Variants in TMX3 observed in about 807,000 individuals in gnomAD.
The protein encoded by TMX3 is protein disulfide-isomerase TMX3.
A neutral mutation model predicts 64.4 loss-of-function variants in TMX3; 40 were observed. The ratio of observed to expected loss-of-function variants is 0.62; its 90% CI spans 0.48 to 0.81. The LOEUF (loss-of-function observed/expected upper bound fraction) is 0.81, where lower values mean the gene tolerates loss of function less well. Among genes scored for constraint, TMX3 ranks in the 30% least tolerant of loss-of-function variants. TMX3 has a pLI of 0.00. For missense variants in TMX3, 497 were observed against 534.5 expected, an observed-to-expected ratio of 0.93 and a Z score of 0.69; for synonymous variants, 189 against 175.7, an observed-to-expected ratio of 1.08 and a Z score of -0.60.
At chr18:68,698,844 G>A (rs1353416094) in intron 6 of TMX3, among the ~76,000 whole-genome samples, 25 of 151,178 alleles carry the variant, frequency 1.7e-4, no homozygotes, top group African/African-American at 5.1e-4. Flanking sequence ...GTGAAATCCC[G>A]TCTCTACTAA....
At chr18:68,708,209 CCTCT>C (rs2030922922) in intron 4 of TMX3, among the ~76,000 whole-genome samples, 1 of 151,772 alleles carries the variant, frequency 6.6e-6, no homozygotes, top group African/African-American at 2.4e-5. Flanking sequence ...TATTATTCTC[CCTCT>C]CTAACAATTT....
At chr18:68,714,876 C>G in intron 1 of TMX3, 60 bp downstream of exon 1, 1 of 1,546,464 alleles carries the variant, frequency 6.5e-7, no homozygotes, top group Non-Finnish European at 8.7e-7. Flanking sequence ...CAATCCCGGC[C>G]CCACGGCGGG....
intron 13 of TMX3, among the ~76,000 whole-genome samples, 187 bp downstream of exon 13, chr18:68,682,738 T>A (rs548279180): frequency 1.3e-5 from 2 of 151,880 alleles, no homozygotes; most frequent in African/African-American, 4.8e-5. Context: ...TAGACCAATA[T>A]TAAAGTCAGT....
chr18:68,690,566 T>C (rs1315657787), intron 9 of TMX3, among the ~76,000 whole-genome samples: 3 of 152,160 alleles, frequency 2.0e-5, no homozygotes, highest in Non-Finnish European at 1.5e-5. Context: ...ATGATGTCAG[T>C]TGTTGTAGCT....
At chr18:68,708,453 A>G (rs1357847121) in intron 4 of TMX3, among the ~76,000 whole-genome samples, 2 of 141,650 alleles carry the variant, frequency 1.4e-5, no homozygotes, top group African/African-American at 6.0e-5. Flanking sequence ...ATCTCACACT[A>G]TTATTGTTTT....
In TMX3 at chr18:68,711,186, CTTAAAACTCTAAG is replaced by C. The variant is rs549214157; in HGVS notation, c.141+165_141+177del. Among the ~76,000 whole-genome samples the C allele has an allele frequency of 2.7e-3, 411 of 152,126 alleles. 1 individual carries two copies. Among genetic ancestry groups the C allele is most frequent in the African/African-American group, 9.6e-3 (400 of 41,524 alleles). On this transcript the variant is annotated intron_variant, in intron 3 of 15. Coordinates refer to ENST00000299608, the MANE Select transcript of TMX3 (RefSeq NM_019022.5). Reference sequence around the variant, plus strand: ...AAAAATACGTTCCCTCGCATGGAACCTTAAAACTCTAAGGTTCTTTTTAATGTAAAATCTCAAA... The same window carrying C: ...AAAAATACGTTCCCTCGCATGGAACCGTTCTTTTTAATGTAAAATCTCAAA...
At chr18:68,684,960 T>C (rs1201441106) in intron 10 of TMX3, among the ~76,000 whole-genome samples, 5 of 152,224 alleles carry the variant, frequency 3.3e-5, no homozygotes, top group South Asian at 2.1e-4. Context: ...TTTGGTACCA[T>C]GGTTCAGTAC....
In TMX3 at chr18:68,697,071, C is replaced by T. The variant is rs1445300100; in HGVS notation, c.570+155G>A. ...CAATCTAATACCAGTAGTAAAGAAT[C>T]AGCATGTTTACTTTTTCCAAACATA... On this transcript the variant is annotated intron_variant, in intron 8 of 15. Coordinates refer to ENST00000299608, the MANE Select transcript of TMX3 (RefSeq NM_019022.5). The T allele has an allele frequency of 1.0e-5, 5 of 490,338 alleles. No homozygotes were observed. The East Asian group carries it at 1.7e-4, about 17-fold the overall frequency. The allele number at this position is 490,338 out of a possible 1,614,324, so 30.4% of individuals were successfully genotyped here. A position where few individuals can be genotyped will look rare whatever the true frequency, so the allele number is the denominator to read the frequency against.
chr18:68,682,852 T>G lies in TMX3; in HGVS notation c.905+73A>C, dbSNP rs922898563. On this transcript the variant is annotated intron_variant, in intron 13 of 15. Coordinates refer to ENST00000299608, the MANE Select transcript of TMX3 (RefSeq NM_019022.5). Reference sequence around the variant, plus strand: ...TTGCTATTTTTCAGCTATTTAATCCTTCTACCTGTATCTCAGAAACAAATT... The same window carrying G: ...TTGCTATTTTTCAGCTATTTAATCCGTCTACCTGTATCTCAGAAACAAATT... The G allele has an allele frequency of 1.2e-5, 16 of 1,359,460 alleles. No homozygotes were observed. The African/African-American group carries it at 2.3e-4, about 20-fold the overall frequency. 84.2% of individuals were successfully genotyped at this position (1,359,460 alleles called of 1,614,324 possible). A position where few individuals can be genotyped will look rare whatever the true frequency, so the allele number is the denominator to read the frequency against.
chr18:68,686,732 C>T (rs1913999487), intron 10 of TMX3: 2 of 984,594 alleles, frequency 2.0e-6, no homozygotes, highest in South Asian at 9.4e-5. Flanking sequence ...GAAAGTAAAA[C>T]CACAGTCTTT....
chr18:68,700,846 G>A (rs2029987262), intron 5 of TMX3: 4 of 984,884 alleles, frequency 4.1e-6, no homozygotes, highest in Middle Eastern at 1.0e-3. Flanking sequence ...AAAGGACAGG[G>A]AAATAAGAGT....
intron 2 of TMX3, among the ~76,000 whole-genome samples, chr18:68,713,096 G>C (rs987180722): frequency 3.3e-5 from 5 of 151,840 alleles, no homozygotes; most frequent in Non-Finnish European, 7.4e-5. Context: ...ATGAGACACA[G>C]ATGGGAGAAT....
At chr18:68,677,893 G>A (rs1362772853) in intron 15 of TMX3, among the ~76,000 whole-genome samples, 1 of 152,150 alleles carries the variant, frequency 6.6e-6, no homozygotes, top group Non-Finnish European at 1.5e-5. Flanking sequence ...GGATGAGTGA[G>A]AAGGAGGCAG....
chr18:68,711,233 T>C, intron 3 of TMX3, 131 bp downstream of exon 3: 1 of 518,020 alleles, frequency 1.9e-6, no homozygotes, highest in Non-Finnish European at 3.4e-6. Flanking sequence ...AATATAGTAA[T>C]ACTTAAGAAA....
intron 8 of TMX3, among the ~76,000 whole-genome samples, chr18:68,696,410 G>A (rs1915076186): frequency 1.3e-5 from 2 of 152,040 alleles, no homozygotes; most frequent in African/African-American, 4.8e-5. Context: ...CTGACCTTGT[G>A]ATCTGCCTGC....
intron 9 of TMX3, chr18:68,691,040 A>C (rs1039346273): frequency 2.7e-5 from 10 of 365,824 alleles, no homozygotes; most frequent in Admixed American, 4.6e-5. Context: ...ATCACATAGA[A>C]TTTATTCCTC....
chr18:68,684,331 T>C (rs930360015), intron 11 of TMX3, 88 bp from the exon 12 acceptor site: 12 of 1,488,920 alleles, frequency 8.1e-6, no homozygotes, highest in African/African-American at 4.2e-5. Context: ...TTACATCTAA[T>C]TGCTGCAGGA....
At chr18:68,698,783 G>A (rs1442648231) in intron 6 of TMX3, among the ~76,000 whole-genome samples, 4 of 152,008 alleles carry the variant, frequency 2.6e-5, no homozygotes, top group East Asian at 3.9e-4. Context: ...TTGGGAGGCC[G>A]AGGCGGGTGG....
At chr18:68,698,189 C>A (rs1915303317) in intron 6 of TMX3, among the ~76,000 whole-genome samples, 158 bp from the exon 7 acceptor site, 1 of 152,166 alleles carries the variant, frequency 6.6e-6, no homozygotes, top group Non-Finnish European at 1.5e-5. Flanking sequence ...TATAATAAAA[C>A]TGTGGTCCAT....
Sources: gnomAD v4.1 joint callset for allele counts (sites outside exome capture counted in the v4.1 genomes callset) on GRCh38, gnomAD v4.1.1 for gene constraint, MANE v1.5 for transcripts, NCBI Gene and HGNC (gene_info 2026-07-23, HGNC 2026-07-21) for gene names.